Variants in SEMA5A observed in about 807,000 individuals in gnomAD.
SEMA5A encodes the protein semaphorin 5A, also known as semaphorin-5A.
A neutral mutation model predicts 135.5 loss-of-function variants in SEMA5A; 55 were observed. The ratio of observed to expected loss-of-function variants is 0.41; its 90% CI spans 0.33 to 0.51. The LOEUF is 0.51. Ranked by LOEUF, SEMA5A falls within the 20% of genes least tolerant of loss-of-function variation. SEMA5A has a pLI of 0.37. For synonymous variants in SEMA5A, 580 were observed against 546.5 expected (o/e 1.06, Z -0.85); for missense variants, 1,290 against 1,419.9 (o/e 0.91, Z 1.47).
At chr5:9,387,948 C>A (rs565211400) in intron 2 of SEMA5A, among the ~76,000 whole-genome samples, 1 of 152,138 alleles carries the variant, frequency 6.6e-6, no homozygotes, top group Non-Finnish European at 1.5e-5. Context: ...TTTTAACCCA[C>A]GTGTCTCGAT....
intron 1 of SEMA5A, among the ~76,000 whole-genome samples, chr5:9,511,576 T>C (rs542988379): frequency 3.4e-4 from 52 of 152,284 alleles, no homozygotes; most frequent in African/African-American, 1.2e-3. Flanking sequence ...ACCTGAAATA[T>C]TGTAGTGTAA....
intron 6 of SEMA5A, among the ~76,000 whole-genome samples, chr5:9,236,127 A>C (rs1747894623): frequency 6.6e-6 from 1 of 152,094 alleles, no homozygotes; most frequent in African/African-American, 2.4e-5. Context: ...GGTCTCTTCT[A>C]GCACACATGG....
Position 9,162,564 on chromosome 5 carries a change from G to GTGTATATATA in SEMA5A, c.1274-7870_1274-7869insTATATATACA, listed in dbSNP as rs1331354641. Among the ~76,000 whole-genome samples the GTGTATATATA allele has an allele frequency of 1.6e-3, 137 of 83,998 alleles. 1 individual carries two copies. Among genetic ancestry groups the GTGTATATATA allele is most frequent in the African/African-American group, 3.6e-3 (91 of 25,626 alleles). The allele number at this position is 83,998 out of a possible 152,430, so 55.1% of individuals were successfully genotyped here. ...TGTGTGTATATATGTGTGTGTGTGT[G>GTGTATATATA]TATATATATATATATATATATACAC... On this transcript the variant is annotated intron_variant, in intron 11 of 22. Transcript: ENST00000382496.
rs113810781 is a variant in SEMA5A at position 9,444,760 on chromosome 5, C to T, written c.-174-6908G>A. On this transcript the variant is annotated intron_variant, in intron 1 of 22. Coordinates refer to ENST00000382496, the MANE Select transcript of SEMA5A (RefSeq NM_003966.3). Reference sequence around the variant, plus strand: ...TATTTGACATTGTGATGTCTAAATGCTGAGAGCGGAGTTAGAAAGAGATGG... The same window carrying T: ...TATTTGACATTGTGATGTCTAAATGTTGAGAGCGGAGTTAGAAAGAGATGG... Among the ~76,000 whole-genome samples the T allele has an allele frequency of 9.2e-4, 140 of 152,258 alleles. 1 individual carries two copies. The highest frequency in any genetic ancestry group is 3.4e-3 in the Middle Eastern group (1 of 294).
At chr5:9,058,646 T>C (rs1295174026) in intron 18 of SEMA5A, among the ~76,000 whole-genome samples, 1 of 152,200 alleles carries the variant, frequency 6.6e-6, no homozygotes, top group East Asian at 1.9e-4. Context: ...ACAATGGCAG[T>C]AACCAATGTA....
At chr5:9,202,919 G>A (rs1385927610) in intron 8 of SEMA5A, among the ~76,000 whole-genome samples, 1 of 152,118 alleles carries the variant, frequency 6.6e-6, no homozygotes, top group Non-Finnish European at 1.5e-5. Flanking sequence ...AAGAGTATGG[G>A]GATGGAGACA....
chr5:9,325,212 T>A (rs1239049176), intron 4 of SEMA5A, among the ~76,000 whole-genome samples: 2 of 151,200 alleles, frequency 1.3e-5, no homozygotes, highest in Non-Finnish European at 2.9e-5. Context: ...AAAACATGAG[T>A]TTTTTCTGCC....
chr5:9,153,609 G>A (rs991958167), intron 12 of SEMA5A, among the ~76,000 whole-genome samples: 4 of 122,286 alleles, frequency 3.3e-5, no homozygotes, highest in Non-Finnish European at 8.5e-5. Flanking sequence ...CAGTGGCGGG[G>A]GAGGGGGGGG....
At chr5:9,450,757 A>G (rs1462898236) in intron 1 of SEMA5A, among the ~76,000 whole-genome samples, 1 of 132,108 alleles carries the variant, frequency 7.6e-6, no homozygotes, top group East Asian at 2.0e-4. Context: ...CTACCACATC[A>G]AAAAAAAAAA....
At chr5:9,140,530 C>T (rs111314064) in intron 12 of SEMA5A, among the ~76,000 whole-genome samples, 4 of 152,284 alleles carry the variant, frequency 2.6e-5, no homozygotes, top group South Asian at 2.1e-4. Flanking sequence ...GTGGGGTGAG[C>T]GCTAAGAGTC....
chr5:9,453,069 A>T (rs1004036435), intron 1 of SEMA5A, among the ~76,000 whole-genome samples: 1 of 152,202 alleles, frequency 6.6e-6, no homozygotes, highest in Non-Finnish European at 1.5e-5. Context: ...CGTACTTTAT[A>T]CCTGTGGGAT....
intron 8 of SEMA5A, among the ~76,000 whole-genome samples, chr5:9,208,629 A>G (rs1344334148): frequency 2.6e-5 from 4 of 152,208 alleles, no homozygotes; most frequent in Non-Finnish European, 4.4e-5. Context: ...TGCCAGAAGG[A>G]GCAGCCTGGG....
rs569300434 is a variant in SEMA5A at position 9,523,363 on chromosome 5, T to C, written c.-175+22221A>G. On this transcript the variant is annotated intron_variant, in intron 1 of 22. Coordinates refer to ENST00000382496, the MANE Select transcript of SEMA5A (RefSeq NM_003966.3). ...CAGTATCTAAAGTGATTATCTTACT[T>C]AGGTTCATGAATCCCATAAAAATGC... 1.9e-4 allele frequency among the ~76,000 whole-genome samples: 29 copies of C among 152,322 alleles called. 1 individual carries two copies. The South Asian group carries it at 6.0e-3, about 32-fold the overall frequency.
In SEMA5A at chr5:9,098,339, G is replaced by A. The variant is rs185888034; in HGVS notation, c.2073+9801C>T. 1.3e-3 allele frequency among the ~76,000 whole-genome samples: 191 copies of A among 152,194 alleles called. 1 individual carries two copies. Among genetic ancestry groups the A allele is most frequent in the African/African-American group, 4.1e-3 (169 of 41,524 alleles). ...CTTTTAATTTCAGTAGCAAGTGCTC[G>A]GTAGAATCAGAAGTAGACAAGGTGA... On this transcript the variant is annotated intron_variant, in intron 16 of 22. Transcript: ENST00000382496.
intron 3 of SEMA5A, among the ~76,000 whole-genome samples, chr5:9,344,352 A>G (rs776295116): frequency 2.6e-5 from 4 of 152,202 alleles, no homozygotes; most frequent in Admixed American, 6.5e-5. Flanking sequence ...TTTCTATAAG[A>G]CACAGATTAA....
intron 18 of SEMA5A, among the ~76,000 whole-genome samples, chr5:9,059,294 G>T (rs368918899): frequency 6.6e-6 from 1 of 152,120 alleles, no homozygotes; most frequent in East Asian, 1.9e-4. Context: ...GTAGGTCAAA[G>T]TCTGGAGTCT....
chr5:9,469,977 T>G (rs1314294423), intron 1 of SEMA5A, among the ~76,000 whole-genome samples: 3 of 152,216 alleles, frequency 2.0e-5, no homozygotes, highest in Non-Finnish European at 4.4e-5. Context: ...AAATCCAATC[T>G]TCATTTGTGA....
At chr5:9,295,514 G>A (rs1751293174) in intron 5 of SEMA5A, among the ~76,000 whole-genome samples, 1 of 152,138 alleles carries the variant, frequency 6.6e-6, no homozygotes, top group African/African-American at 2.4e-5. Flanking sequence ...TGGTACATGG[G>A]AGTGACTGGG....
intron 8 of SEMA5A, among the ~76,000 whole-genome samples, chr5:9,220,990 T>G (rs1378612347): frequency 6.6e-6 from 1 of 152,114 alleles, no homozygotes; most frequent in Admixed American, 6.5e-5. Context: ...GGACAGGGAC[T>G]TACCCTCCAC....
Sources: allele counts gnomAD v4.1 joint callset (sites outside exome capture counted in the v4.1 genomes callset), GRCh38; gene constraint gnomAD v4.1.1; transcripts MANE v1.5; gene names NCBI Gene and HGNC (gene_info 2026-07-23, HGNC 2026-07-21).